PLXNA1: variants seen among roughly 807,000 people sequenced by gnomAD.
PLXNA1 encodes plexin-A1.
Under a neutral mutation model 191.7 loss-of-function variants are expected in PLXNA1, and 77 were observed. The observed-to-expected ratio is 0.40, with a 90% CI of 0.33 to 0.49. The LOEUF is 0.49. Ranked by LOEUF, PLXNA1 falls within the 20% of genes least tolerant of loss-of-function variation. PLXNA1 has a pLI of 0.63. For synonymous variants in PLXNA1, 1,137 were observed against 1,156.4 expected (o/e 0.98, Z 0.34); for missense variants, 2,110 against 2,660.2 (o/e 0.79, Z 4.55).
intron 3 of PLXNA1, among the ~76,000 whole-genome samples, chr3:127,001,789 TG>T (rs1270967954): frequency 6.6e-6 from 1 of 152,214 alleles, no homozygotes; most frequent in Admixed American, 6.5e-5. Flanking sequence ...ACACCTGGCC[TG>T]GTTCTCATAT....
rs139881605 is a variant in PLXNA1 at position 126,994,036 on chromosome 3, A to G, written c.1377+2470A>G. 1.7e-4 allele frequency among the ~76,000 whole-genome samples: 26 copies of G among 152,224 alleles called. No homozygotes were observed. In the East Asian group the frequency reaches 4.8e-3, roughly 28 times the overall value. ...TCTCCTCGTACCATGCGGACCTGGCATGCTCGTGTGGCCTGGGGTGTGTGA... is the reference window on the plus strand; with the variant it reads ...TCTCCTCGTACCATGCGGACCTGGCGTGCTCGTGTGGCCTGGGGTGTGTGA... On this transcript the variant is annotated intron_variant, in intron 3 of 31. Coordinates refer to ENST00000393409, the MANE Select transcript of PLXNA1 (RefSeq NM_032242.4).
chr3:126,991,124 C>A (rs964766491), intron 2 of PLXNA1, among the ~76,000 whole-genome samples: 4 of 152,242 alleles, frequency 2.6e-5, no homozygotes, highest in Admixed American at 2.0e-4. Context: ...GAGCAGCGCC[C>A]CCTCCACACT....
chr3:127,014,112 C>A lies in PLXNA1; in HGVS notation c.2406C>A (p.Ile802=). Residue 802 remains isoleucine (I), a synonymous_variant, in exon 11 of 32, where the codon ATC becomes ATA. Transcript: ENST00000393409. ...GNFVIDNPQN[I]QAHLYKCPAL... is the part of the protein sequence containing the mutation. ...TTGTCATTGACAACCCACAGAACAT[C>A]CAGGGTGAGTGGGCGCCCCGGCGGG... 13 of 1,613,756 alleles carry A rather than the reference C, an allele frequency of 8.1e-6. No homozygotes were observed. Among genetic ancestry groups the A allele is most frequent in the Non-Finnish European group, 1.1e-5 (13 of 1,179,894 alleles).
intron 22 of PLXNA1, 150 bp downstream of exon 22, chr3:127,022,491 C>T: frequency 9.8e-7 from 1 of 1,020,574 alleles, no homozygotes; most frequent in Middle Eastern, 2.2e-4. Context: ...TCAGCTGCCA[C>T]CTCCCTAGGT....
chr3:127,012,305 T>TC, intron 10 of PLXNA1, 147 bp downstream of exon 10: 1 of 840,562 alleles, frequency 1.2e-6, no homozygotes, highest in South Asian at 1.8e-5. Context: ...ACTCCTGGCT[T>TC]CCCCAGGCCA....
chr3:126,993,339 A>G (rs1273859772), intron 3 of PLXNA1, among the ~76,000 whole-genome samples: 4 of 150,834 alleles, frequency 2.7e-5, no homozygotes, highest in Non-Finnish European at 5.9e-5. Context: ...TCCCCTTCCC[A>G]CCCCTAGTCC....
intron 9 of PLXNA1, among the ~76,000 whole-genome samples, chr3:127,009,836 G>A (rs2079087151): frequency 6.6e-6 from 1 of 152,244 alleles, no homozygotes; most frequent in African/African-American, 2.4e-5. Flanking sequence ...GGCAGCTGGT[G>A]CTGTGTGCCA....
At chr3:126,999,017 C>A (rs2079027411) in intron 3 of PLXNA1, among the ~76,000 whole-genome samples, 1 of 152,206 alleles carries the variant, frequency 6.6e-6, no homozygotes, top group African/African-American at 2.4e-5. Context: ...GGTGGGGACC[C>A]AGGAAGGAGG....
At position 127,034,665 on chromosome 3, in the gene PLXNA1, GC is replaced by G. The variant is rs33998521; in HGVS notation, c.*652del. 6.5e-6 allele frequency: 1 copy of G among 152,674 alleles called. No individual in the cohort carries two copies. Among genetic ancestry groups the G allele is most frequent in the African/African-American group, 2.4e-5 (1 of 41,446 alleles). 9.5% of individuals were successfully genotyped at this position (152,674 alleles called of 1,614,324 possible). A position where few individuals can be genotyped will look rare whatever the true frequency, so the allele number is the denominator to read the frequency against. ...GAGGCCGGAGCACCACATCCACCTC[GC>G]CCCAGAGAGGCTCTGCTCCCTCCTA... On this transcript the variant is annotated 3_prime_UTR_variant, in exon 32 of 32. Coordinates refer to ENST00000393409, the MANE Select transcript of PLXNA1 (RefSeq NM_032242.4).
At chr3:127,029,835 G>A in intron 27 of PLXNA1, 39 bp from the exon 28 acceptor site, 2 of 1,542,210 alleles carry the variant, frequency 1.3e-6, no homozygotes, top group South Asian at 1.2e-5. Context: ...GGGGTGCGGG[G>A]TGCCAGCCAA....
At chr3:126,999,523 G>A (rs1347912706) in intron 3 of PLXNA1, among the ~76,000 whole-genome samples, 4 of 152,212 alleles carry the variant, frequency 2.6e-5, no homozygotes, top group Admixed American at 6.5e-5. Context: ...CGGCTGGGGC[G>A]CGTGCCGGTC....
intron 9 of PLXNA1, among the ~76,000 whole-genome samples, chr3:127,010,029 T>C (rs1158941964): frequency 6.6e-6 from 1 of 152,196 alleles, no homozygotes; most frequent in Non-Finnish European, 1.5e-5. Context: ...AGCAAGTCTA[T>C]AGACTCCTTG....
intron 23 of PLXNA1, among the ~76,000 whole-genome samples, chr3:127,023,991 A>G (rs1027118290): frequency 6.6e-6 from 1 of 152,186 alleles, no homozygotes; most frequent in Non-Finnish European, 1.5e-5. Context: ...GCACCTAGTA[A>G]GTGCCCAGTA....
At chr3:126,992,568 G>A (rs1271743838) in intron 3 of PLXNA1, among the ~76,000 whole-genome samples, 2 of 152,034 alleles carry the variant, frequency 1.3e-5, no homozygotes, top group Non-Finnish European at 2.9e-5. Context: ...TCTCTGGGAG[G>A]GGATCCCCTG....
chr3:127,018,175 CCT>C (rs1270806201), intron 19 of PLXNA1, 117 bp from the exon 20 acceptor site: 16 of 998,536 alleles, frequency 1.6e-5, no homozygotes, highest in Middle Eastern at 3.2e-4. Flanking sequence ...ACTCTGTGCC[CCT>C]GTCGGTGGGA....
Position 127,014,642 on chromosome 3 carries a change from C to A in PLXNA1, c.2756+13C>A, listed in dbSNP as rs2079113545. On this transcript the variant is annotated intron_variant, in intron 13 of 31. Coordinates refer to ENST00000393409, the MANE Select transcript of PLXNA1 (RefSeq NM_032242.4). ...TCAGTGCGGAGCAGTGAGTGCAGCC[C>A]TGGGTGTGTGCGGGGCGGGACGGGA... 4 of 1,600,554 alleles carry A rather than the reference C, an allele frequency of 2.5e-6. No individual in the cohort carries two copies. The highest frequency in any genetic ancestry group is 3.4e-6 in the Non-Finnish European group (4 of 1,168,936).
In PLXNA1 at chr3:127,020,352, C is replaced by A; in HGVS notation, c.4038+8C>A. On this transcript the variant is annotated splice_region_variant and intron_variant, in intron 21 of 31. Transcript: ENST00000393409. The stretch of plus-strand genomic sequence containing the variant: ...GTGCTCAAGGAGATGGAGGTAGGAC[C>A]ACTGGCTCCGGGGGGTCACAGGAAC... 1 of 1,611,818 alleles carries A rather than the reference C, an allele frequency of 6.2e-7. No individual in the cohort carries two copies. The highest frequency in any genetic ancestry group is 8.5e-7 in the Non-Finnish European group (1 of 1,179,398).
chr3:127,022,958 C>T (rs2079159115), intron 23 of PLXNA1, 140 bp downstream of exon 23: 2 of 744,604 alleles, frequency 2.7e-6, no homozygotes, highest in Admixed American at 2.2e-5. Context: ...TGGGCCAAGG[C>T]CCCTGGGCAT....
Position 127,019,622 on chromosome 3 carries a change from G to A in PLXNA1, c.3896-580G>A, listed in dbSNP as rs146842053. On this transcript the variant is annotated intron_variant, in intron 20 of 31. Transcript: ENST00000393409. ...ACCTGTCAGATGTCCCCCAGAGCCT[G>A]CCTGGCACTCCTTTGGCTTCTGATC... is the stretch of plus-strand genomic sequence containing the variant. 1.2e-3 allele frequency among the ~76,000 whole-genome samples: 181 copies of A among 152,354 alleles called. 1 individual carries two copies. Among genetic ancestry groups the A allele is most frequent in the African/African-American group, 4.1e-3 (172 of 41,580 alleles).
Sources: gnomAD v4.1 joint callset for allele counts (sites outside exome capture counted in the v4.1 genomes callset) on GRCh38, gnomAD v4.1.1 for gene constraint, MANE v1.5 for transcripts, NCBI Gene and HGNC (gene_info 2026-07-23, HGNC 2026-07-21) for gene names.